THNSL1: variants seen among roughly 807,000 people sequenced by gnomAD.
The protein encoded by THNSL1 is threonine synthase like 1.
THNSL1 carries 48 observed loss-of-function variants against 50.4 expected under a neutral mutation model. The observed-to-expected ratio is 0.95, with a 90% CI of 0.76 to 1.21. The LOEUF (loss-of-function observed/expected upper bound fraction) is 1.21. THNSL1 is among the 50% of genes most tolerant of loss of function. The pLI, the probability that THNSL1 is intolerant of heterozygous loss-of-function variation, is 0.00. For missense variants in THNSL1, 896 were observed against 871.7 expected, an observed-to-expected ratio of 1.03 and a Z score of -0.35; for synonymous variants, 309 against 306.1, an observed-to-expected ratio of 1.01 and a Z score of -0.10.
chr10:24,959,144 TA>T, the THNSL1 span, among the ~76,000 whole-genome samples: 5 of 152,278 alleles, frequency 3.3e-5, no homozygotes, highest in East Asian at 9.7e-4. Context: ...GCTGAGTTTC[TA>T]AAGGAAAGAT....
chr10:25,018,792 A>G (rs967356586), intron 1 of THNSL1, among the ~76,000 whole-genome samples: 1 of 152,128 alleles, frequency 6.6e-6, no homozygotes, highest in African/African-American at 2.4e-5. Context: ...TAATTCTCAA[A>G]GTTATAGAAT....
chr10:24,966,391 C>G, the THNSL1 span, among the ~76,000 whole-genome samples: 3 of 152,218 alleles, frequency 2.0e-5, no homozygotes, highest in African/African-American at 7.2e-5. Context: ...TTGCTGAGAC[C>G]ACAACACCCT....
At chr10:24,989,606 T>C in the THNSL1 span, among the ~76,000 whole-genome samples, 2 of 152,372 alleles carry the variant, frequency 1.3e-5, no homozygotes, top group South Asian at 2.1e-4. Flanking sequence ...AAAAATCTTA[T>C]GCCTTTTAAA....
the THNSL1 span, among the ~76,000 whole-genome samples, chr10:24,980,213 G>A: frequency 6.6e-6 from 1 of 152,052 alleles, no homozygotes; most frequent in African/African-American, 2.4e-5. Flanking sequence ...TCTTCAGCTT[G>A]CACCTTTCTG....
chr10:24,984,360 G>A, the THNSL1 span: 2 of 1,584,918 alleles, frequency 1.3e-6, no homozygotes, highest in African/African-American at 2.8e-5. Flanking sequence ...TCAAAGTTGT[G>A]CTGTTGGTAT....
chr10:24,967,811 A>C, the THNSL1 span, among the ~76,000 whole-genome samples: 2 of 151,196 alleles, frequency 1.3e-5, no homozygotes, highest in Admixed American at 1.3e-4. Flanking sequence ...TGATGTGTGT[A>C]TATGTGCATG....
the THNSL1 span, among the ~76,000 whole-genome samples, chr10:25,007,220 A>G: frequency 1.4e-4 from 21 of 152,184 alleles, no homozygotes; most frequent in Non-Finnish European, 2.9e-4. Flanking sequence ...TGCTTAAGAT[A>G]TTAAACCTTG....
chr10:24,988,664 G>GTA, the THNSL1 span, among the ~76,000 whole-genome samples: 2 of 98,836 alleles, frequency 2.0e-5, no homozygotes, highest in Non-Finnish European at 4.3e-5. Flanking sequence ...CACAGCATAT[G>GTA]TATATATATA....
the THNSL1 span, among the ~76,000 whole-genome samples, chr10:24,972,507 CA>C: frequency 0.067 from 8,861 of 133,060 alleles, 310 homozygotes; most frequent in African/African-American, 0.088. Flanking sequence ...GACTCTGTCT[CA>C]AAAAAAAAAA....
the THNSL1 span, among the ~76,000 whole-genome samples, chr10:24,989,376 C>T: frequency 1.6e-3 from 245 of 152,286 alleles, no homozygotes; most frequent in Non-Finnish European, 3.2e-3. Flanking sequence ...AAAGAGACAC[C>T]GTCCTTGCCT....
At chr10:24,966,127 C>T in the THNSL1 span, among the ~76,000 whole-genome samples, 1 of 152,210 alleles carries the variant, frequency 6.6e-6, no homozygotes, top group Non-Finnish European at 1.5e-5. Flanking sequence ...TCACCTCCCT[C>T]CTGAAGAATA....
At chr10:24,961,547 A>G in the THNSL1 span, among the ~76,000 whole-genome samples, 1 of 151,970 alleles carries the variant, frequency 6.6e-6, no homozygotes, top group East Asian at 1.9e-4. Flanking sequence ...TTTTTTTTCA[A>G]TGGAAGAATA....
the THNSL1 span, among the ~76,000 whole-genome samples, chr10:24,976,108 T>C: frequency 6.6e-6 from 1 of 152,258 alleles, no homozygotes; most frequent in South Asian, 2.1e-4. Flanking sequence ...TTGGAAAAAC[T>C]CAGAATATTG....
upstream of THNSL1, among the ~76,000 whole-genome samples, chr10:25,013,681 G>A (rs1391236993): frequency 5.9e-5 from 9 of 152,190 alleles, no homozygotes. Context: ...GGTGGCTCAC[G>A]CCTATAATCA....
At chr10:24,954,020 A>C in the THNSL1 span, among the ~76,000 whole-genome samples, 1 of 152,244 alleles carries the variant, frequency 6.6e-6, no homozygotes. Flanking sequence ...ATTTTCTCCT[A>C]GTAATTGTGA....
At chr10:24,986,476 C>T in the THNSL1 span, among the ~76,000 whole-genome samples, 1 of 152,144 alleles carries the variant, frequency 6.6e-6, no homozygotes, top group Non-Finnish European at 1.5e-5. Context: ...AAAAAGAAGC[C>T]CTCAAAAGAA....
the THNSL1 span, among the ~76,000 whole-genome samples, chr10:24,956,696 A>G: frequency 6.6e-6 from 1 of 152,120 alleles, no homozygotes; most frequent in Non-Finnish European, 1.5e-5. Flanking sequence ...CTGATTTGAA[A>G]TATACAACAC....
rs761043455 is a variant in THNSL1, at chr10:25,023,686, G to C, written c.463G>C (p.Asp155His). 1.1e-5 allele frequency: 18 copies of C among 1,613,892 alleles called. No homozygotes were observed. The highest frequency in any genetic ancestry group is 1.7e-5 in the Admixed American group (1 of 59,998). The change falls in exon 3 of 3, where the codon GAT becomes CAT. Residue 155 changes from aspartate (D) to histidine (H), a missense_variant. Physicochemically the swap from Asp to His is moderately conservative, Grantham distance 81. Coordinates refer to ENST00000376356, the MANE Select transcript of THNSL1 (RefSeq NM_024838.5). ...LKKNGIIVYL[D>H]VPLLDLICRL... ...GAAAAATGGAATAATTGTATACCTG[G>C]ATGTACCTCTACTAGATCTAATTTG...
the THNSL1 span, among the ~76,000 whole-genome samples, chr10:24,988,684 ATATATATATATATATAT>A: frequency 9.9e-4 from 9 of 9,072 alleles, 1 homozygote; most frequent in Non-Finnish European, 4.6e-4. Context: ...ATATATATAT[ATATATATATATATATAT>A]ATATATATAT....
Sources: gnomAD v4.1 joint callset for allele counts (sites outside exome capture counted in the v4.1 genomes callset) on GRCh38, gnomAD v4.1.1 for gene constraint, MANE v1.5 for transcripts, NCBI Gene and HGNC (gene_info 2026-07-23, HGNC 2026-07-21) for gene names.